GPAT4: variants seen among roughly 807,000 people sequenced by gnomAD.
GPAT4 encodes the protein glycerol-3-phosphate acyltransferase 4.
In GPAT4, 17 loss-of-function variants were observed where a neutral mutation model predicts 58.0. The ratio of observed to expected loss-of-function variants is 0.29; its 90% CI spans 0.20 to 0.44. GPAT4 has a LOEUF of 0.44. Among genes scored for constraint, GPAT4 ranks in the 20% least tolerant of loss-of-function variants. The pLI, the probability that GPAT4 is intolerant of heterozygous loss-of-function variation, is 1.00. For missense variants in GPAT4, 377 were observed against 574.5 expected, an observed-to-expected ratio of 0.66 and a Z score of 3.51; for synonymous variants, 204 against 210.1, an observed-to-expected ratio of 0.97 and a Z score of 0.25.
chr8:41,598,622 A>G lies in GPAT4; in HGVS notation c.-518A>G, dbSNP rs1248537940. 1.3e-5 allele frequency: 2 copies of G among 152,764 alleles called. No homozygotes were observed. Among genetic ancestry groups the G allele is most frequent in the African/African-American group, 4.8e-5 (2 of 41,466 alleles). 9.5% of individuals were successfully genotyped at this position (152,764 alleles called of 1,614,324 possible). ...TATTTAATTTCCACATATTCAAGTCAAAAGCCTTCTGTGTGAAGTGCCAGT... is the reference window on the plus strand; with the variant it reads ...TATTTAATTTCCACATATTCAAGTCGAAAGCCTTCTGTGTGAAGTGCCAGT... On this transcript the variant is annotated 5_prime_UTR_variant, in exon 2 of 13. Transcript: ENST00000396987.
chr8:41,579,791 T>C (rs2150476598), intron 1 of GPAT4, among the ~76,000 whole-genome samples: 1 of 152,064 alleles, frequency 6.6e-6, no homozygotes, highest in East Asian at 1.9e-4. Context: ...TGAGCCAAGA[T>C]TGCGCCGCTG....
chr8:41,598,070 A>C (rs1802979341), intron 1 of GPAT4, among the ~76,000 whole-genome samples: 1 of 152,204 alleles, frequency 6.6e-6, no homozygotes. Context: ...CGATCATATC[A>C]TTTGGGTTGA....
rs188160186 is a variant in GPAT4 at position 41,610,541 on chromosome 8, C to T, written c.537-195C>T. On this transcript the variant is annotated intron_variant, in intron 4 of 12. Transcript: ENST00000396987. ...GCAGCTGAGAGCCAGACCCATGGCTCACTGTCAGCTGGAATCAAAAGGATC... is the reference window on the plus strand; with the variant it reads ...GCAGCTGAGAGCCAGACCCATGGCTTACTGTCAGCTGGAATCAAAAGGATC... 2,384 of 1,472,284 alleles carry T rather than the reference C, an allele frequency of 1.6e-3. 49 individuals are homozygous for T. In the Admixed American group the frequency reaches 0.047, roughly 29 times the overall value. 91.2% of individuals were successfully genotyped at this position (1,472,284 alleles called of 1,614,324 possible).
intron 8 of GPAT4, among the ~76,000 whole-genome samples, chr8:41,613,288 A>T (rs1803495760): frequency 6.6e-6 from 1 of 152,106 alleles, no homozygotes; most frequent in Non-Finnish European, 1.5e-5. Flanking sequence ...AGGGAGACTG[A>T]GGCAGGAGAA....
chr8:41,580,692 T>G (rs1255206694), intron 1 of GPAT4, among the ~76,000 whole-genome samples: 1 of 152,188 alleles, frequency 6.6e-6, no homozygotes, highest in Non-Finnish European at 1.5e-5. Flanking sequence ...GACTTTTCTT[T>G]TGTGAGTTTG....
chr8:41,620,742 T>A, intron 12 of GPAT4, 151 bp from the exon 13 acceptor site: 1 of 1,321,480 alleles, frequency 7.6e-7, no homozygotes, highest in Non-Finnish European at 1.0e-6. Context: ...GAGCCCCAAA[T>A]CCCCTGAGGT....
In GPAT4 at chr8:41,581,789, C is replaced by T. The variant is rs544238004; in HGVS notation, c.-849+3511C>T. Reference sequence around the variant, plus strand: ...GATTACAGGCGCCTGCCACCACGCCCGGCTAATTTTTTTTTTGTATTTTTT... The same window carrying T: ...GATTACAGGCGCCTGCCACCACGCCTGGCTAATTTTTTTTTTGTATTTTTT... On this transcript the variant is annotated intron_variant, in intron 1 of 12. Transcript: ENST00000396987. Among the ~76,000 whole-genome samples the T allele has an allele frequency of 5.4e-3, 824 of 151,314 alleles. 5 individuals carry two copies. The highest frequency in any genetic ancestry group is 9.5e-3 in the Non-Finnish European group (641 of 67,798).
chr8:41,606,534 T>G (rs1377464617), intron 2 of GPAT4, among the ~76,000 whole-genome samples: 1 of 152,170 alleles, frequency 6.6e-6, no homozygotes, highest in Non-Finnish European at 1.5e-5. Flanking sequence ...CCTCTGAAGA[T>G]TCACTGAAAA....
At position 41,622,279 on chromosome 8, in the gene GPAT4, GCAGGGGAGGGA is replaced by G. The variant is rs1194583835; in HGVS notation, c.*1289_*1299del. The G allele has an allele frequency of 9.9e-6, 1 of 101,198 alleles. No homozygotes were observed. Among genetic ancestry groups the G allele is most frequent in the South Asian group, 3.1e-4 (1 of 3,272 alleles). The allele number at this position is 101,198 out of a possible 1,614,324, so 6.3% of individuals were successfully genotyped here. ...GGGCCTGTGCTGCATGGTGGCTTCT[GCAGGGGAGGGA>G]CAGGGGAGGGCTGCAGAGGGGCAGG... On this transcript the variant is annotated 3_prime_UTR_variant, in exon 13 of 13. Transcript: ENST00000396987.
rs1205298484 is a variant in GPAT4 at position 41,618,670 on chromosome 8, T to C, written c.1054-14T>C. 11 of 1,613,732 alleles carry C rather than the reference T, an allele frequency of 6.8e-6. No homozygotes were observed. Among genetic ancestry groups the C allele is most frequent in the Non-Finnish European group, 9.3e-6 (11 of 1,179,924 alleles). On this transcript the variant is annotated splice_polypyrimidine_tract_variant and intron_variant, in intron 10 of 12. Transcript: ENST00000396987. ...ACTACTCATGTCTTACCTCCAGCTTTCCATTGTTTTCAGTATGACCCTCAA... is the reference window on the plus strand; with the variant it reads ...ACTACTCATGTCTTACCTCCAGCTTCCCATTGTTTTCAGTATGACCCTCAA...
At chr8:41,584,384 G>T (rs1001790610) in intron 1 of GPAT4, among the ~76,000 whole-genome samples, 13 of 152,160 alleles carry the variant, frequency 8.5e-5, no homozygotes, top group African/African-American at 3.1e-4. Flanking sequence ...AGTTTTATTT[G>T]TAATAGCCTC....
At chr8:41,620,759 G>C in intron 12 of GPAT4, 134 bp from the exon 13 acceptor site, 1 of 1,420,802 alleles carries the variant, frequency 7.0e-7, no homozygotes, top group Non-Finnish European at 9.4e-7. Context: ...AGGTTGTCTT[G>C]GTGAGAGTGC....
At chr8:41,596,395 A>T (rs1275118072) in intron 1 of GPAT4, among the ~76,000 whole-genome samples, 1 of 152,184 alleles carries the variant, frequency 6.6e-6, no homozygotes, top group Non-Finnish European at 1.5e-5. Context: ...AAGCAATCCA[A>T]GTTAAGTCAA....
At position 41,617,313 on chromosome 8, in the gene GPAT4, G is replaced by A. The variant is rs563990238; in HGVS notation, c.1054-1371G>A. The stretch of plus-strand genomic sequence containing the variant: ...TGGGAGGTGGAGCTTGCAGTGAGCC[G>A]AGATAGCGCCACAGCACTCCAGCCT... On this transcript the variant is annotated intron_variant, in intron 10 of 12. Coordinates refer to ENST00000396987, the MANE Select transcript of GPAT4 (RefSeq NM_178819.4). Among the ~76,000 whole-genome samples the A allele has an allele frequency of 1.3e-4, 20 of 152,200 alleles. No homozygotes were observed. In the South Asian group the frequency reaches 2.5e-3, roughly 19 times the overall value.
At position 41,623,046 on chromosome 8, in the gene GPAT4, T is replaced by C. The variant is rs1803800567; in HGVS notation, c.*2045T>C. On this transcript the variant is annotated 3_prime_UTR_variant, in exon 13 of 13. Transcript: ENST00000396987. ...TATATATACACACACACACAGGTTT[T>C]GCTTTTGTCTCACATTCAGCACAGC... 1.3e-5 allele frequency: 2 copies of C among 152,234 alleles called. No homozygotes were observed. Among genetic ancestry groups the C allele is most frequent in the South Asian group, 4.1e-4 (2 of 4,834 alleles). The allele number at this position is 152,234 out of a possible 1,614,324, so 9.4% of individuals were successfully genotyped here. A position where few individuals can be genotyped will look rare whatever the true frequency, so the allele number is the denominator to read the frequency against.
rs749946354 is a variant in GPAT4, at chr8:41,614,449, G to A, written c.967+8G>A. The A allele has an allele frequency of 1.9e-5, 31 of 1,613,972 alleles. No individual in the cohort carries two copies. Among genetic ancestry groups the A allele is most frequent in the African/African-American group, 5.3e-5 (4 of 74,938 alleles). On this transcript the variant is annotated splice_region_variant and intron_variant, in intron 9 of 12. Transcript: ENST00000396987. ...TCCTCATCTTCCCAGAAGGTAAGAA[G>A]GGGTTGGTTGCCACGAAGGGCTTCT...
At chr8:41,616,760 A>T (rs1457054904) in intron 10 of GPAT4, among the ~76,000 whole-genome samples, 2 of 152,228 alleles carry the variant, frequency 1.3e-5, no homozygotes, top group Non-Finnish European at 2.9e-5. Flanking sequence ...AATTTTAGAT[A>T]CATTTCCATT....
intron 10 of GPAT4, among the ~76,000 whole-genome samples, chr8:41,618,279 A>G (rs1249581115): frequency 2.6e-5 from 4 of 152,076 alleles, no homozygotes; most frequent in African/African-American, 7.2e-5. Context: ...CTGAGAGGGG[A>G]CAGGTGGAGC....
At chr8:41,604,208 GA>G (rs1335855049) in intron 2 of GPAT4, among the ~76,000 whole-genome samples, 7 of 152,014 alleles carry the variant, frequency 4.6e-5, no homozygotes, top group African/African-American at 1.5e-4. Context: ...ATTAAAACTG[GA>G]TACCTAATAG....
Sources: allele counts gnomAD v4.1 joint callset (sites outside exome capture counted in the v4.1 genomes callset), GRCh38; gene constraint gnomAD v4.1.1; transcripts MANE v1.5; gene names NCBI Gene and HGNC (gene_info 2026-07-23, HGNC 2026-07-21).